CSMD1: variants seen among roughly 807,000 people sequenced by gnomAD.
CSMD1 encodes CUB and sushi domain-containing protein 1.
A neutral mutation model predicts 417.5 loss-of-function variants in CSMD1; 213 were observed. That is an observed-to-expected ratio of 0.51 (90% CI 0.46 to 0.57). The LOEUF (loss-of-function observed/expected upper bound fraction) is 0.57, where lower values mean the gene tolerates loss of function less well. Ranked by LOEUF, CSMD1 falls within the 20% of genes least tolerant of loss-of-function variation. The pLI is 0.00. For missense variants in CSMD1, 6,923 were observed against 4,529.7 expected (o/e 1.53, Z -15.17); for synonymous variants, 2,862 against 1,736.8 (o/e 1.65, Z -16.11).
intron 1 of CSMD1, among the ~76,000 whole-genome samples, chr8:4,776,742 T>C (rs747814808): frequency 3.9e-5 from 6 of 152,038 alleles, no homozygotes; most frequent in Non-Finnish European, 7.4e-5. Context: ...TGCCACATAC[T>C]ACACTCAGTT....
At chr8:4,387,471 T>C (rs7010039) in intron 3 of CSMD1, among the ~76,000 whole-genome samples, 82,447 of 150,060 alleles carry the variant, frequency 0.55, 23,273 homozygotes, top group Non-Finnish European at 0.63. Context: ...GGAAGTTGAG[T>C]GTACTTTCAT....
At chr8:4,667,366 G>A (rs546904694) in intron 1 of CSMD1, among the ~76,000 whole-genome samples, 5 of 151,900 alleles carry the variant, frequency 3.3e-5, no homozygotes, top group African/African-American at 9.7e-5. Flanking sequence ...ACATTCGAGA[G>A]TGAATTTGTC....
At chr8:4,320,177 C>A (rs961507161) in intron 3 of CSMD1, among the ~76,000 whole-genome samples, 3 of 152,040 alleles carry the variant, frequency 2.0e-5, no homozygotes, top group Non-Finnish European at 4.4e-5. Flanking sequence ...GCAAAAATAT[C>A]CAGCACTTAA....
At chr8:3,563,781 C>T (rs947169841) in intron 10 of CSMD1, among the ~76,000 whole-genome samples, 4 of 151,876 alleles carry the variant, frequency 2.6e-5, no homozygotes, top group African/African-American at 9.7e-5. Context: ...CACAGCTACT[C>T]GGGAGGCTGA....
intron 26 of CSMD1, among the ~76,000 whole-genome samples, chr8:3,249,447 C>A (rs1800114880): frequency 6.6e-6 from 1 of 152,152 alleles, no homozygotes; most frequent in East Asian, 1.9e-4. Flanking sequence ...TGGCCTTGAA[C>A]TCCTGACCTT....
In CSMD1 at chr8:4,591,870, A is replaced by T. The variant is rs545929370; in HGVS notation, c.302+45472T>A. 3.9e-5 allele frequency among the ~76,000 whole-genome samples: 6 copies of T among 152,228 alleles called. No individual in the cohort carries two copies. The East Asian group carries it at 1.2e-3, about 29-fold the overall frequency. ...AGGCAGAGGGGAGAAAGTAATGACC[A>T]AGGGACCGGTGGGGAGGCTGAAAGT... is the stretch of plus-strand genomic sequence containing the variant. On this transcript the variant is annotated intron_variant, in intron 2 of 69. Transcript: ENST00000635120.
At chr8:3,826,285 G>C (rs1473259022) in intron 5 of CSMD1, among the ~76,000 whole-genome samples, 2 of 152,064 alleles carry the variant, frequency 1.3e-5, no homozygotes, top group South Asian at 2.1e-4. Context: ...ACCACCCAGG[G>C]TAATGAAGGA....
intron 3 of CSMD1, among the ~76,000 whole-genome samples, chr8:4,318,125 C>A (rs757932833): frequency 2.6e-5 from 4 of 152,084 alleles, no homozygotes; most frequent in Non-Finnish European, 4.4e-5. Flanking sequence ...AAATTTTATG[C>A]AACTACATTG....
intron 1 of CSMD1, chr8:4,787,227 G>A (rs1008202612): frequency 1.4e-5 from 7 of 495,946 alleles, no homozygotes; most frequent in Non-Finnish European, 2.6e-5. Context: ...CGCGCCTGGG[G>A]GCCGCGCCTC....
intron 3 of CSMD1, among the ~76,000 whole-genome samples, chr8:4,356,309 G>C (rs978961294): frequency 1.4e-4 from 20 of 146,100 alleles, no homozygotes; most frequent in African/African-American, 5.2e-4. Flanking sequence ...TTATGGCTAA[G>C]TAGTATTCAT....
intron 3 of CSMD1, among the ~76,000 whole-genome samples, chr8:4,338,165 CA>C (rs1439653703): frequency 6.6e-6 from 1 of 151,974 alleles, no homozygotes; most frequent in Non-Finnish European, 1.5e-5. Context: ...TAGAGAATTA[CA>C]AAAATATTGG....
rs1263324929 is a variant in CSMD1 at position 4,764,885 on chromosome 8, A to ACAAAAAAAAAAAACAAAACAAAAC, written c.86-127328_86-127327insGTTTTGTTTTGTTTTTTTTTTTTG. Among the ~76,000 whole-genome samples the ACAAAAAAAAAAAACAAAACAAAAC allele has an allele frequency of 5.7e-4, 43 of 74,808 alleles. 2 individuals are homozygous for ACAAAAAAAAAAAACAAAACAAAAC. Among genetic ancestry groups the ACAAAAAAAAAAAACAAAACAAAAC allele is most frequent in the Admixed American group, 1.7e-3 (10 of 5,866 alleles). 49.1% of individuals were successfully genotyped at this position (74,808 alleles called of 152,430 possible). On this transcript the variant is annotated intron_variant, in intron 1 of 69. Coordinates refer to ENST00000635120, the MANE Select transcript of CSMD1 (RefSeq NM_033225.6). Reference sequence around the variant, plus strand: ...GAGACTCCATCTCAAAAAAAAAAAAAAAAAAAAAACAACAACAACAAAAAA... The same window carrying ACAAAAAAAAAAAACAAAACAAAAC: ...GAGACTCCATCTCAAAAAAAAAAAAACAAAAAAAAAAAACAAAACAAAACAAAAAAAAACAACAACAACAAAAAA...
chr8:3,945,269 C>A (rs895886325), intron 5 of CSMD1, among the ~76,000 whole-genome samples: 1 of 151,186 alleles, frequency 6.6e-6, no homozygotes, highest in African/African-American at 2.4e-5. Context: ...ACAATACATT[C>A]TCCATCATGT....
At chr8:3,873,256 A>G (rs769416262) in intron 5 of CSMD1, among the ~76,000 whole-genome samples, 3 of 152,230 alleles carry the variant, frequency 2.0e-5, no homozygotes, top group Non-Finnish European at 4.4e-5. Flanking sequence ...ATGCAGGTGT[A>G]TGTTCACTGC....
chr8:3,361,353 G>T (rs1044425709), intron 20 of CSMD1, among the ~76,000 whole-genome samples: 1 of 151,932 alleles, frequency 6.6e-6, no homozygotes, highest in Non-Finnish European at 1.5e-5. Context: ...AAAACTCCAG[G>T]CACTGTGGCT....
At chr8:4,443,752 A>C (rs1028533582) in intron 2 of CSMD1, among the ~76,000 whole-genome samples, 23 of 152,214 alleles carry the variant, frequency 1.5e-4, no homozygotes, top group African/African-American at 5.1e-4. Flanking sequence ...CAGTTTTATC[A>C]AACTATAAAC....
At chr8:4,844,076 A>C (rs762570194) in intron 1 of CSMD1, among the ~76,000 whole-genome samples, 1 of 152,312 alleles carries the variant, frequency 6.6e-6, no homozygotes, top group South Asian at 2.1e-4. Context: ...TTCTATCTTT[A>C]GGGGAAAAAT....
At chr8:3,904,359 C>T (rs1807965477) in intron 5 of CSMD1, among the ~76,000 whole-genome samples, 1 of 152,116 alleles carries the variant, frequency 6.6e-6, no homozygotes, top group Non-Finnish European at 1.5e-5. Flanking sequence ...GTGACAGATT[C>T]ACACTAACTC....
intron 1 of CSMD1, among the ~76,000 whole-genome samples, chr8:4,850,213 C>T (rs7006552): frequency 0.65 from 98,226 of 151,812 alleles, 32,227 homozygotes; most frequent in East Asian, 0.95. Context: ...ACTGGGTTAT[C>T]TGTCATTTTA....
Sources: gnomAD v4.1 joint callset for allele counts (sites outside exome capture counted in the v4.1 genomes callset) on GRCh38, gnomAD v4.1.1 for gene constraint, MANE v1.5 for transcripts, NCBI Gene and HGNC (gene_info 2026-07-23, HGNC 2026-07-21) for gene names.